The following DENND2D variants were observed in gnomAD, a reference collection of about 807,000 sequenced individuals.
The protein encoded by DENND2D is DENN domain-containing protein 2D.
Under a neutral mutation model 59.8 loss-of-function variants are expected in DENND2D, and 37 were observed. The ratio of observed to expected loss-of-function variants is 0.62; its 90% CI spans 0.48 to 0.81. The LOEUF (loss-of-function observed/expected upper bound fraction) is 0.81, where lower values mean the gene tolerates loss of function less well. Among genes scored for constraint, DENND2D ranks in the 40% least tolerant of loss-of-function variants. The probability of loss-of-function intolerance (pLI) is 0.00; values close to 1 mark genes in which losing one functional copy is unlikely to be tolerated. For missense variants in DENND2D, 525 were observed against 579.7 expected, an observed-to-expected ratio of 0.91 and a Z score of 0.97; for synonymous variants, 219 against 211.3, an observed-to-expected ratio of 1.04 and a Z score of -0.31.
At chr1:111,189,620 G>A (rs979190579) in intron 8 of DENND2D, among the ~76,000 whole-genome samples, 2 of 152,224 alleles carry the variant, frequency 1.3e-5, no homozygotes, top group African/African-American at 4.8e-5. Context: ...TTACACGTTT[G>A]ATCTCAAGCA....
chr1:111,195,067 T>C (rs558212586), intron 6 of DENND2D: 16 of 238,552 alleles, frequency 6.7e-5, no homozygotes, highest in African/African-American at 3.3e-4. Context: ...CCTTCATTCT[T>C]ACCCTCTTTC....
intron 11 of DENND2D, among the ~76,000 whole-genome samples, 190 bp downstream of exon 11, chr1:111,187,941 C>G (rs1002045209): frequency 1.1e-4 from 16 of 152,192 alleles, no homozygotes; most frequent in African/African-American, 3.9e-4. Flanking sequence ...ATGGGTAAAC[C>G]AACTTCCACA....
At chr1:111,193,235 C>G (rs72979804) in intron 7 of DENND2D, among the ~76,000 whole-genome samples, 3,369 of 152,280 alleles carry the variant, frequency 0.022, 133 homozygotes, top group African/African-American at 0.077. Context: ...AAAATTGAGT[C>G]TCTGAGAGGC....
rs374491819 is a variant in DENND2D, at chr1:111,197,272, G to T, written c.427-19C>A. The T allele has an allele frequency of 3.1e-6, 5 of 1,605,836 alleles. No individual in the cohort carries two copies. Among genetic ancestry groups the T allele is most frequent in the African/African-American group, 1.3e-5 (1 of 74,852 alleles). On this transcript the variant is annotated intron_variant, in intron 4 of 11. Coordinates refer to ENST00000357640, the MANE Select transcript of DENND2D (RefSeq NM_024901.5). The stretch of plus-strand genomic sequence containing the variant: ...CGGCAGGCTGGGGAGGGACAGAGAG[G>T]CTCCTTCAGTGCTGCAGCCTCCCCA...
Position 111,199,371 on chromosome 1 carries a change from AT to A in DENND2D, c.243+251del, listed in dbSNP as rs141449550. Among the ~76,000 whole-genome samples, 27 of 152,306 alleles carry A rather than the reference AT, an allele frequency of 1.8e-4. No homozygotes were observed. In the East Asian group the frequency reaches 5.0e-3, roughly 28 times the overall value. On this transcript the variant is annotated intron_variant, in intron 2 of 11. Transcript: ENST00000357640. ...CCTATCAGGTCCCCTAAAAGGCAAA[AT>A]GTCTAGCCTAGTTTCCCTGCTAGGA...
chr1:111,190,778 C>T (rs1266388751), intron 8 of DENND2D, among the ~76,000 whole-genome samples: 2 of 152,038 alleles, frequency 1.3e-5, no homozygotes, highest in East Asian at 3.9e-4. Flanking sequence ...GAAAGTATGC[C>T]AAAAAATAGA....
In DENND2D at chr1:111,189,200, C is replaced by G; in HGVS notation, c.1014+12G>C. The stretch of plus-strand genomic sequence containing the variant: ...TGATAGGCCTGCAGGGGATCTGAAC[C>G]CAGACACTTACCGACATTAAGAAGG... On this transcript the variant is annotated intron_variant, in intron 9 of 11. Transcript: ENST00000357640. The G allele has an allele frequency of 6.2e-7, 1 of 1,614,066 alleles. No homozygotes were observed. The highest frequency in any genetic ancestry group is 8.5e-7 in the Non-Finnish European group (1 of 1,179,976).
upstream of DENND2D, chr1:111,204,502 G>A (rs887410806): frequency 5.1e-5 from 44 of 859,632 alleles, no homozygotes; most frequent in African/African-American, 7.4e-4. Flanking sequence ...TCCGGACTCC[G>A]GCCCAACCCC....
Position 111,188,318 on chromosome 1 carries a change from G to C in DENND2D, c.1152C>G (p.Val384=), listed in dbSNP as rs1457131601. The C allele has an allele frequency of 9.3e-6, 15 of 1,614,110 alleles. No individual in the cohort carries two copies. In the East Asian group the frequency reaches 3.1e-4, roughly 34 times the overall value. The change falls in exon 11 of 12, where the codon GTC becomes GTG. Residue 384 remains valine (V), a synonymous_variant. Coordinates refer to ENST00000357640, the MANE Select transcript of DENND2D (RefSeq NM_024901.5). ...AGGAAGCATAATGGCCCACAATCTTGACAAAGAACTGCACAAAGGGGCCTG... is the reference window on the plus strand; with the variant it reads ...AGGAAGCATAATGGCCCACAATCTTCACAAAGAACTGCACAAAGGGGCCTG... ...HVSGPFVQFF[V]KIVGHYASYI...
At chr1:111,187,779 A>T (rs1005263560) in intron 11 of DENND2D, 98 bp from the exon 12 acceptor site, 3 of 984,580 alleles carry the variant, frequency 3.0e-6, no homozygotes, top group Non-Finnish European at 4.7e-6. Context: ...TCTGCTCCCC[A>T]TACTGCCATC....
chr1:111,201,397 A>G (rs537204727), upstream of DENND2D: 2 of 152,310 alleles, frequency 1.3e-5, no homozygotes, highest in South Asian at 4.1e-4. Flanking sequence ...TAGGGGACTG[A>G]TTGCACCAGC....
Position 111,188,112 on chromosome 1 carries a change from A to G in DENND2D, c.1339+19T>C. 1 of 1,613,900 alleles carries G rather than the reference A, an allele frequency of 6.2e-7. No homozygotes were observed. Among genetic ancestry groups the G allele is most frequent in the Middle Eastern group, 1.7e-4 (1 of 6,054 alleles). On this transcript the variant is annotated intron_variant, in intron 11 of 11. Transcript: ENST00000357640. ...GGTAACCCTCTATGGGCTTAGACTG[A>G]TGGGGACTGTTACTGTACCTGCAGG...
At chr1:111,204,203 G>A (rs1659089754), upstream of DENND2D, 2 of 1,273,970 alleles carry the variant, frequency 1.6e-6, no homozygotes, top group South Asian at 1.8e-5. Flanking sequence ...TCGACGCCCC[G>A]TGCCGCCCTC....
chr1:111,196,337 A>C, intron 5 of DENND2D: 1 of 259,134 alleles, frequency 3.9e-6, no homozygotes, highest in Non-Finnish European at 7.4e-6. Context: ...TCCTAACACC[A>C]ACATAAAAGC....
Position 111,194,616 on chromosome 1 carries a change from C to A in DENND2D, c.756G>T (p.Val252=). ...EQILQIFASA[V]LERKIIFLAE... ...CCAGGAAGATGATTTTTCTCTCCAG[C>A]ACGGCAGAGGCAAAGATCTGAAGTA... The change falls in exon 7 of 12, where the codon GTG becomes GTT. Residue 252 remains valine, a synonymous_variant. Coordinates refer to ENST00000357640, the MANE Select transcript of DENND2D (RefSeq NM_024901.5). 1 of 1,614,080 alleles carries A rather than the reference C, an allele frequency of 6.2e-7. No homozygotes were observed. The highest frequency in any genetic ancestry group is 8.5e-7 in the Non-Finnish European group (1 of 1,180,014).
chr1:111,198,772 G>A (rs1328337256), intron 2 of DENND2D, 30 bp from the exon 3 acceptor site: 4 of 1,610,606 alleles, frequency 2.5e-6, no homozygotes, highest in African/African-American at 1.3e-5. Context: ...ACAAGTGGAT[G>A]TGAAGCTGGG....
rs761504696 is a variant in DENND2D at position 111,192,311 on chromosome 1, C to T, written c.801G>A (p.Leu267=). 7 of 1,604,366 alleles carry T rather than the reference C, an allele frequency of 4.4e-6. No homozygotes were observed. The highest frequency in any genetic ancestry group is 1.7e-5 in the Admixed American group (1 of 59,552). Residue 267 remains leucine (L), a synonymous_variant, in exon 8 of 12, where the codon TTG becomes TTA. Coordinates refer to ENST00000357640, the MANE Select transcript of DENND2D (RefSeq NM_024901.5). ...CGGCAGCAGCATGGATGCACTGAGACAAGGTGCTGGGACAGAGCACAGAGG... is the reference window on the plus strand; with the variant it reads ...CGGCAGCAGCATGGATGCACTGAGATAAGGTGCTGGGACAGAGCACAGAGG... ...IIFLAEGLST[L]SQCIHAAAAL... is the part of the protein sequence containing the mutation.
chr1:111,187,766 C>G, intron 11 of DENND2D, 85 bp from the exon 12 acceptor site: 1 of 1,097,020 alleles, frequency 9.1e-7, no homozygotes, highest in South Asian at 1.3e-5. Flanking sequence ...CAGAAATATC[C>G]TGTCTGCTCC....
rs139817394 is a variant in DENND2D, at chr1:111,196,863, A to G, written c.504+313T>C. On this transcript the variant is annotated intron_variant, in intron 5 of 11. Transcript: ENST00000357640. ...AGTGAGATAGGAAGGTGAGATTATT[A>G]TATCCATTCGACGGATGAGGAAATT... 5.3e-5 allele frequency: 18 copies of G among 340,258 alleles called. No individual in the cohort carries two copies. The East Asian group carries it at 8.3e-4, about 16-fold the overall frequency. 21.1% of individuals were successfully genotyped at this position (340,258 alleles called of 1,614,324 possible).
Sources: allele counts gnomAD v4.1 joint callset (sites outside exome capture counted in the v4.1 genomes callset), GRCh38; gene constraint gnomAD v4.1.1; transcripts MANE v1.5; gene names NCBI Gene and HGNC (gene_info 2026-07-23, HGNC 2026-07-21).